LY96: variants seen among roughly 807,000 people sequenced by gnomAD.
LY96 encodes the protein lymphocyte antigen 96.
LY96 carries 18 observed loss-of-function variants against 18.9 expected under a neutral mutation model. The ratio of observed to expected loss-of-function variants is 0.95; its 90% CI spans 0.66 to 1.41. The LOEUF is 1.41. LY96 is among the 40% of genes most tolerant of loss of function. The pLI is 0.00. For missense variants in LY96, 175 were observed against 182.4 expected, an observed-to-expected ratio of 0.96 and a Z score of 0.23; for synonymous variants, 66 against 62.6, an observed-to-expected ratio of 1.06 and a Z score of -0.26.
chr8:74,072,611 C>A, the LY96 span, among the ~76,000 whole-genome samples: 1 of 152,176 alleles, frequency 6.6e-6, no homozygotes, highest in Admixed American at 6.5e-5. Context: ...GGCAGATATG[C>A]TCATTTTGGA....
At chr8:74,065,314 C>T in the LY96 span, among the ~76,000 whole-genome samples, 4 of 152,150 alleles carry the variant, frequency 2.6e-5, no homozygotes, top group Non-Finnish European at 4.4e-5. Context: ...TCCCAGGTTG[C>T]GGTCACTCAT....
chr8:74,083,723 C>T, the LY96 span, among the ~76,000 whole-genome samples: 2 of 152,062 alleles, frequency 1.3e-5, no homozygotes, highest in African/African-American at 4.8e-5. Context: ...CAAGGTCTTG[C>T]TGTGTCACCC....
the LY96 span, among the ~76,000 whole-genome samples, chr8:74,035,055 T>G: frequency 2.0e-5 from 3 of 152,210 alleles, no homozygotes; most frequent in South Asian, 6.2e-4. Flanking sequence ...CGAAGATATA[T>G]ATTTAAAAAC....
At chr8:74,069,656 G>A in the LY96 span, among the ~76,000 whole-genome samples, 1 of 152,158 alleles carries the variant, frequency 6.6e-6, no homozygotes, top group South Asian at 2.1e-4. Flanking sequence ...AGGCTGGAGT[G>A]CAATGGTGCC....
chr8:73,995,905 G>C (rs1816116663), intron 1 of LY96, among the ~76,000 whole-genome samples: 1 of 152,234 alleles, frequency 6.6e-6, no homozygotes. Context: ...CAGCATGTCA[G>C]ATGGTGGTAA....
chr8:74,020,671 A>G (rs184421769), intron 3 of LY96, among the ~76,000 whole-genome samples: 5 of 152,314 alleles, frequency 3.3e-5, no homozygotes, highest in South Asian at 2.1e-4. Context: ...TTCAAACTAT[A>G]CTACAAGGCT....
chr8:74,029,128 C>A, downstream of LY96: 1 of 835,282 alleles, frequency 1.2e-6, no homozygotes, highest in Non-Finnish European at 2.0e-6. Context: ...TTGTTTTAAT[C>A]AGATATGGTA....
At chr8:74,058,816 G>A in the LY96 span, among the ~76,000 whole-genome samples, 2 of 152,026 alleles carry the variant, frequency 1.3e-5, no homozygotes, top group Admixed American at 6.6e-5. Context: ...TACTGTGCCC[G>A]GCTGAAAGAG....
chr8:73,998,570 C>T (rs1438458495), intron 1 of LY96, among the ~76,000 whole-genome samples: 1 of 151,934 alleles, frequency 6.6e-6, no homozygotes, highest in East Asian at 1.9e-4. Flanking sequence ...GTAGTACTAG[C>T]GACTCAGGAG....
intron 1 of LY96, among the ~76,000 whole-genome samples, chr8:73,997,388 G>T (rs1586645941): frequency 6.6e-6 from 1 of 152,148 alleles, no homozygotes; most frequent in East Asian, 1.9e-4. Context: ...CTCTTAAATT[G>T]CCCTCCCTCT....
At chr8:74,062,198 A>G in the LY96 span, among the ~76,000 whole-genome samples, 3 of 152,306 alleles carry the variant, frequency 2.0e-5, no homozygotes, top group South Asian at 6.2e-4. Flanking sequence ...TCTCAGATGT[A>G]CTGGTGGCCA....
chr8:74,085,670 C>T, the LY96 span, among the ~76,000 whole-genome samples: 1 of 152,172 alleles, frequency 6.6e-6, no homozygotes, highest in Non-Finnish European at 1.5e-5. Context: ...GCCAAGACTC[C>T]TTTCTATTTC....
At chr8:74,044,325 A>AC in the LY96 span, among the ~76,000 whole-genome samples, 1 of 151,954 alleles carries the variant, frequency 6.6e-6, no homozygotes, top group East Asian at 1.9e-4. Flanking sequence ...GAGTGAGACT[A>AC]CAGGCATGCA....
the LY96 span, among the ~76,000 whole-genome samples, chr8:74,064,143 T>TA: frequency 4.6e-5 from 7 of 151,636 alleles, no homozygotes; most frequent in Non-Finnish European, 8.8e-5. Context: ...AAAACCAATA[T>TA]AAAACAAAAA....
At chr8:74,053,211 C>T in the LY96 span, among the ~76,000 whole-genome samples, 1 of 152,208 alleles carries the variant, frequency 6.6e-6, no homozygotes, top group African/African-American at 2.4e-5. Flanking sequence ...CATGACTTCG[C>T]CATGTGGATT....
At chr8:74,061,085 C>T in the LY96 span, among the ~76,000 whole-genome samples, 98 of 152,322 alleles carry the variant, frequency 6.4e-4, 1 homozygote, top group East Asian at 0.017. Flanking sequence ...CATGCCAAAT[C>T]AAGCCCTTTG....
chr8:74,019,622 G>C (rs2131278011), intron 3 of LY96, among the ~76,000 whole-genome samples: 1 of 152,228 alleles, frequency 6.6e-6, no homozygotes, highest in African/African-American at 2.4e-5. Context: ...AACAAAAAAA[G>C]AGAATTTTAG....
the LY96 span, among the ~76,000 whole-genome samples, chr8:74,046,631 GA>G: frequency 1.3e-5 from 2 of 152,038 alleles, no homozygotes; most frequent in Non-Finnish European, 2.9e-5. Context: ...ACAATAAGCA[GA>G]AAGCCATCCT....
At chr8:74,021,841 T>C (rs888940768) in intron 3 of LY96, among the ~76,000 whole-genome samples, 8 of 151,996 alleles carry the variant, frequency 5.3e-5, no homozygotes, top group Non-Finnish European at 5.9e-5. Context: ...AAACACTGCA[T>C]ATTCTCACTC....
Sources: allele counts gnomAD v4.1 joint callset (sites outside exome capture counted in the v4.1 genomes callset), GRCh38; gene constraint gnomAD v4.1.1; transcripts MANE v1.5; gene names NCBI Gene and HGNC (gene_info 2026-07-23, HGNC 2026-07-21).